TFAP2A: variants seen among roughly 807,000 people sequenced by gnomAD.
TFAP2A encodes the protein transcription factor AP-2 alpha.
In TFAP2A, 7 loss-of-function variants were observed where a neutral mutation model predicts 41.5. The ratio of observed to expected loss-of-function variants is 0.17; its 90% CI spans 0.10 to 0.32. TFAP2A has a LOEUF of 0.32. Among genes scored for constraint, TFAP2A ranks in the 10% least tolerant of loss-of-function variants. TFAP2A has a pLI of 1.00. For missense variants in TFAP2A, 416 were observed against 563.3 expected (o/e 0.74, Z 2.65); for synonymous variants, 247 against 242.8 (o/e 1.02, Z -0.16).
chr6:10,409,587 A>G (rs1757859528), intron 2 of TFAP2A: 1 of 353,514 alleles, frequency 2.8e-6, no homozygotes, highest in Non-Finnish European at 5.3e-6. Context: ...TCTTTTAGCA[A>G]TTGAGACAGT....
At chr6:10,419,058 C>G (rs1052967952), upstream of TFAP2A, among the ~76,000 whole-genome samples, 1 of 152,164 alleles carries the variant, frequency 6.6e-6, no homozygotes, top group Non-Finnish European at 1.5e-5. Flanking sequence ...CCTTCTCCCT[C>G]CCCCCTTCCG....
At chr6:10,405,998 T>C (rs1757699053) in intron 3 of TFAP2A, 1 of 152,180 alleles carries the variant, frequency 6.6e-6, no homozygotes, top group South Asian at 2.1e-4. Context: ...AATGAAACTT[T>C]AAACTAGCTA....
rs1303880752 is a variant in TFAP2A at position 10,409,902 on chromosome 6, G to T, written c.485C>A (p.Pro162Gln). The change falls in exon 2 of 7, where the codon CCG (proline) becomes CAG (glutamine). Residue 162 changes from proline to glutamine, a missense_variant and splice_region_variant. By Grantham distance (76) the Pro-to-Gln change is moderately conservative. This residue lies in a region of TFAP2A where 241 missense variants were observed against 274.1 expected (regional missense o/e 0.88). Coordinates refer to ENST00000379613, the MANE Select transcript of TFAP2A (RefSeq NM_001372066.1). Reference sequence around the variant, plus strand: ...CGCGCTGGTTGCGCGGCCTCTTACCGGGACCTCCTCGATGGCGTGAGGTAA... The same window carrying T: ...CGCGCTGGTTGCGCGGCCTCTTACCTGGACCTCCTCGATGGCGTGAGGTAA... ...HSLPHAIEEV[P>Q]HVEDPGINIP... 2 of 1,548,016 alleles carry T rather than the reference G, an allele frequency of 1.3e-6. No homozygotes were observed. The highest frequency in any genetic ancestry group is 1.7e-4 in the Middle Eastern group (1 of 5,980).
chr6:10,413,671 G>C (rs750597466), intron 1 of TFAP2A, among the ~76,000 whole-genome samples: 41 of 152,258 alleles, frequency 2.7e-4, no homozygotes, highest in South Asian at 6.2e-4. Flanking sequence ...ATGTCACCCC[G>C]TCCCCATCTA....
At chr6:10,417,656 AGACAGTGAGGGGCC>A (rs1758296159), upstream of TFAP2A, among the ~76,000 whole-genome samples, 1 of 152,112 alleles carries the variant, frequency 6.6e-6, no homozygotes, top group Non-Finnish European at 1.5e-5. Flanking sequence ...AAAGAGAAAG[AGACAGTGAGGGGCC>A]AGAACGACTC....
chr6:10,419,128 A>G (rs538964569), upstream of TFAP2A, among the ~76,000 whole-genome samples: 371 of 152,246 alleles, frequency 2.4e-3, 1 homozygote, highest in African/African-American at 8.6e-3. Context: ...AAACGGCCAC[A>G]GCACAAACCA....
chr6:10,411,810 C>G, intron 1 of TFAP2A: 4 of 1,437,318 alleles, frequency 2.8e-6, no homozygotes, highest in Non-Finnish European at 3.7e-6. Flanking sequence ...GCGCCTTCAG[C>G]TGGTCGAACC....
chr6:10,409,028 A>G (rs1757835653), intron 2 of TFAP2A: 1 of 152,258 alleles, frequency 6.6e-6, no homozygotes, highest in African/African-American at 2.4e-5. Context: ...CCATTTCAGG[A>G]GGGTTGTGAG....
At position 10,397,883 on chromosome 6, in the gene TFAP2A, T is replaced by A. The variant is rs1045385; in HGVS notation, c.*534A>T. 5.1e-6 allele frequency: 5 copies of A among 989,356 alleles called. No individual in the cohort carries two copies. Among genetic ancestry groups the A allele is most frequent in the Non-Finnish European group, 6.0e-6 (5 of 833,112 alleles). The allele number at this position is 989,356 out of a possible 1,614,324, so 61.3% of individuals were successfully genotyped here. On this transcript the variant is annotated 3_prime_UTR_variant, in exon 7 of 7. Transcript: ENST00000379613. ...TATTTGTGTTCAAGTTTATTCACAA[T>A]ACTGATAAAAATGTTGTCATCATCT... is the stretch of plus-strand genomic sequence containing the variant.
intron 1 of TFAP2A, among the ~76,000 whole-genome samples, chr6:10,413,149 C>T (rs1355101927): frequency 6.6e-6 from 1 of 152,216 alleles, no homozygotes; most frequent in Non-Finnish European, 1.5e-5. Context: ...CCTGCGTGTC[C>T]CTACAGAGCC....
intron 1 of TFAP2A, chr6:10,411,435 TG>T: frequency 2.1e-6 from 3 of 1,407,840 alleles, no homozygotes; most frequent in Non-Finnish European, 2.0e-6. Flanking sequence ...GAAGGTGGGG[TG>T]GGGGATGCAA....
intron 4 of TFAP2A, among the ~76,000 whole-genome samples, chr6:10,402,812 A>G (rs867689118): frequency 6.6e-6 from 1 of 152,180 alleles, no homozygotes. Flanking sequence ...AGCACCCCCT[A>G]CGTTCAGTTA....
chr6:10,404,668 C>G lies in TFAP2A; in HGVS notation c.610G>C (p.Gly204Arg). ...AIPINKDNLF[G>R]GVVNPNEVFC... The stretch of plus-strand genomic sequence containing the variant: ...ACTTCGTTGGGGTTCACCACGCCGC[C>G]GAAGAGGTTGTCCTTGTTAATAGGG... Residue 204 changes from glycine to arginine, a missense_variant, in exon 4 of 7, where the codon GGC (glycine) becomes CGC (arginine). Gly to Arg is a moderately radical substitution (Grantham distance 125). Transcript: ENST00000379613. The G allele has an allele frequency of 1.2e-6, 2 of 1,614,166 alleles. No individual in the cohort carries two copies. The highest frequency in any genetic ancestry group is 2.7e-5 in the African/African-American group (2 of 75,050).
chr6:10,414,959 G>C lies in TFAP2A; in HGVS notation c.33C>G (p.Ile11Met). 1 of 1,614,134 alleles carries C rather than the reference G, an allele frequency of 6.2e-7. No homozygotes were observed. The highest frequency in any genetic ancestry group is 8.5e-7 in the Non-Finnish European group (1 of 1,180,014). The change falls in exon 1 of 7, where the codon ATC becomes ATG. Residue 11 changes from isoleucine (I) to methionine (M), a missense_variant. Physicochemically the swap from Ile to Met is conservative, Grantham distance 10. This residue lies in a region of TFAP2A where 241 missense variants were observed against 274.1 expected (regional missense o/e 0.88). Coordinates refer to ENST00000379613, the MANE Select transcript of TFAP2A (RefSeq NM_001372066.1). ...CGCTTACCTCGCAGTCCTCGTACTT[G>C]ATATTATCCGTCAATTTCCAAAGCA... is the stretch of plus-strand genomic sequence containing the variant. MKMLWKLTDN[I>M]KYEDCEDRHD...
At chr6:10,400,129 C>G (rs1394666584) in intron 6 of TFAP2A, among the ~76,000 whole-genome samples, 1 of 151,736 alleles carries the variant, frequency 6.6e-6, no homozygotes, top group Non-Finnish European at 1.5e-5. Context: ...GGATTTGATT[C>G]TGGTCTTTCT....
chr6:10,411,306 A>T (rs1757957594), intron 1 of TFAP2A, among the ~76,000 whole-genome samples: 1 of 152,062 alleles, frequency 6.6e-6, no homozygotes, highest in Non-Finnish European at 1.5e-5. Flanking sequence ...GAACGTGGGG[A>T]GAAACACGCC....
chr6:10,418,978 C>T (rs1758337310), upstream of TFAP2A, among the ~76,000 whole-genome samples: 1 of 152,324 alleles, frequency 6.6e-6, no homozygotes, highest in Admixed American at 6.5e-5. Flanking sequence ...ACACTCAACC[C>T]TGGGGTCTAG....
intron 5 of TFAP2A, among the ~76,000 whole-genome samples, chr6:10,401,844 G>A (rs1424973644): frequency 2.0e-5 from 3 of 152,208 alleles, no homozygotes; most frequent in Non-Finnish European, 4.4e-5. Flanking sequence ...AGAGCAGGGA[G>A]TGAGGATAAG....
Position 10,404,642 on chromosome 6 carries a change from G to C in TFAP2A, c.636C>G (p.Val212=), listed in dbSNP as rs777922831. 3 of 1,614,200 alleles carry C rather than the reference G, an allele frequency of 1.9e-6. No individual in the cohort carries two copies. The highest frequency in any genetic ancestry group is 2.5e-6 in the Non-Finnish European group (3 of 1,180,036). The part of the protein sequence containing the change: ...LFGGVVNPNE[V]FCSVPGRLSL... ...AGAGGCGACCCGGAACTGAACAGAA[G>C]ACTTCGTTGGGGTTCACCACGCCGC... The change falls in exon 4 of 7, where the codon GTC becomes GTG. Residue 212 remains valine, a synonymous_variant. Transcript: ENST00000379613.
Sources: allele counts gnomAD v4.1 joint callset (sites outside exome capture counted in the v4.1 genomes callset), GRCh38; gene constraint gnomAD v4.1.1; regional missense constraint gnomAD v4.1.1; transcripts MANE v1.5; gene names NCBI Gene and HGNC (gene_info 2026-07-23, HGNC 2026-07-21).